The following RFWD3 variants were observed in gnomAD, a reference collection of about 807,000 sequenced individuals.
RFWD3 encodes the protein E3 ubiquitin-protein ligase RFWD3.
Under a neutral mutation model 87.7 loss-of-function variants are expected in RFWD3, and 65 were observed. That is an observed-to-expected ratio of 0.74 (90% confidence interval 0.61 to 0.91). RFWD3 has a LOEUF of 0.91. RFWD3 is among the 40% of genes least tolerant of loss of function. RFWD3 has a pLI of 0.00. For missense variants in RFWD3, 1,078 were observed against 938.5 expected (o/e 1.15, Z -1.94); for synonymous variants, 433 against 352.8 (o/e 1.23, Z -2.55).
chr16:74,630,263 CATT>C (rs1959052060), intron 10 of RFWD3, among the ~76,000 whole-genome samples: 1 of 152,152 alleles, frequency 6.6e-6, no homozygotes, highest in Non-Finnish European at 1.5e-5. Context: ...GCATGGCTAA[CATT>C]TTTTTGTATT....
chr16:74,635,787 G>C (rs1192023956), intron 8 of RFWD3, among the ~76,000 whole-genome samples: 1 of 152,184 alleles, frequency 6.6e-6, no homozygotes, highest in East Asian at 1.9e-4. Context: ...ACATCTGCAA[G>C]ATTTAGAAAT....
At chr16:74,659,176 G>C (rs1192135311) in intron 2 of RFWD3, among the ~76,000 whole-genome samples, 1 of 152,128 alleles carries the variant, frequency 6.6e-6, no homozygotes, top group Non-Finnish European at 1.5e-5. Flanking sequence ...GTTAATACAA[G>C]TCACTGTGCT....
intron 1 of RFWD3, among the ~76,000 whole-genome samples, chr16:74,663,423 C>A (rs1370681232): frequency 6.6e-6 from 1 of 152,212 alleles, no homozygotes; most frequent in East Asian, 1.9e-4. Flanking sequence ...TCAAGTGCTA[C>A]TGGGGGGAAG....
intron 8 of RFWD3, among the ~76,000 whole-genome samples, chr16:74,635,309 A>C (rs969267541): frequency 4.0e-5 from 6 of 151,850 alleles, no homozygotes; most frequent in Non-Finnish European, 5.9e-5. Flanking sequence ...TAAAAAATAA[A>C]AAAAAAAATT....
In RFWD3 at chr16:74,637,869, T is replaced by A. The variant is rs780532742; in HGVS notation, c.1181A>T (p.Gln394Leu). 1 of 1,612,522 alleles carries A rather than the reference T, an allele frequency of 6.2e-7. No individual in the cohort carries two copies. Among genetic ancestry groups the A allele is most frequent in the Admixed American group, 1.7e-5 (1 of 59,974 alleles). The change falls in exon 7 of 13, where the codon CAA (glutamine) becomes CTA (leucine). Residue 394 changes from glutamine to leucine, a missense_variant. Transcript: ENST00000361070. ...QVLTDKCTRL[Q>L]RRVQDLQKLT... ...GGACAAACGTACCTGAACACGCCTT[T>A]GAAGCCTAGTGCACTTATCAGTGAG...
rs1379103717 is a variant in RFWD3 at position 74,622,026 on chromosome 16, T to A, written c.*1902A>T. 6.6e-6 allele frequency: 1 copy of A among 152,152 alleles called. No individual in the cohort carries two copies. The highest frequency in any genetic ancestry group is 2.4e-5 in the African/African-American group (1 of 41,432). 9.4% of individuals were successfully genotyped at this position (152,152 alleles called of 1,614,324 possible). On this transcript the variant is annotated 3_prime_UTR_variant, in exon 13 of 13. Transcript: ENST00000361070. ...GGTAAGACTTAAGATTCACATAACG[T>A]CCCTCATAGTTAAGTCTCTTGCTTC...
At chr16:74,662,722 C>G (rs1344848803) in intron 1 of RFWD3, among the ~76,000 whole-genome samples, 11 of 152,050 alleles carry the variant, frequency 7.2e-5, no homozygotes, top group Non-Finnish European at 1.3e-4. Flanking sequence ...GGCCTATGGG[C>G]CTTGGTAAGG....
intron 2 of RFWD3, among the ~76,000 whole-genome samples, chr16:74,652,495 A>G (rs1023296742): frequency 6.6e-5 from 10 of 152,132 alleles, no homozygotes; most frequent in African/African-American, 2.2e-4. Context: ...TTGCCCAAAT[A>G]TGGCCTCATG....
chr16:74,646,350 T>C (rs1950427660), intron 4 of RFWD3, among the ~76,000 whole-genome samples: 1 of 152,140 alleles, frequency 6.6e-6, no homozygotes, highest in Non-Finnish European at 1.5e-5. Context: ...CACTCCAGCA[T>C]GAGGGACAGA....
chr16:74,645,906 C>T (rs951360670), intron 4 of RFWD3, among the ~76,000 whole-genome samples: 2 of 151,786 alleles, frequency 1.3e-5, no homozygotes, highest in African/African-American at 4.8e-5. Context: ...GCGCCTGCCA[C>T]CAAGCCCGAT....
chr16:74,631,091 C>T, intron 9 of RFWD3, 134 bp from the exon 10 acceptor site: 1 of 714,714 alleles, frequency 1.4e-6, no homozygotes, highest in South Asian at 2.6e-5. Context: ...TCTGGATTCC[C>T]TATTTTTTCT....
chr16:74,644,492 G>T (rs764419342), intron 5 of RFWD3, 39 bp from the exon 6 acceptor site: 35 of 1,613,928 alleles, frequency 2.2e-5, no homozygotes, highest in Admixed American at 6.7e-5. Context: ...GTGGTTCTAG[G>T]AATCTGCCTG....
chr16:74,640,325 T>C (rs1188255873), intron 6 of RFWD3, among the ~76,000 whole-genome samples: 1 of 151,808 alleles, frequency 6.6e-6, no homozygotes, highest in African/African-American at 2.4e-5. Context: ...TTTGTATTCT[T>C]AGTAGAGACA....
intron 4 of RFWD3, among the ~76,000 whole-genome samples, chr16:74,648,475 T>C (rs1960329272): frequency 6.7e-6 from 1 of 149,644 alleles, no homozygotes; most frequent in Non-Finnish European, 1.5e-5. Flanking sequence ...ACCTTTTATT[T>C]AAAAGGATAT....
At chr16:74,649,066 T>C (rs1960381813) in intron 4 of RFWD3, 66 bp downstream of exon 4, 2 of 1,076,580 alleles carry the variant, frequency 1.9e-6, no homozygotes, top group East Asian at 3.2e-5. Context: ...TGGGTGAGAG[T>C]GAGACCTAGT....
rs190667525 is a variant in RFWD3, at chr16:74,644,369, T to C, written c.1072A>G (p.Met358Val). The C allele has an allele frequency of 5.5e-5, 89 of 1,614,104 alleles. No homozygotes were observed. The highest frequency in any genetic ancestry group is 7.3e-5 in the Non-Finnish European group (86 of 1,180,010). ...CATACTCTTACCACCTACCTTTTCATGCGCTCCTGTTCACTAGTGTCCAAA... is the reference window on the plus strand; with the variant it reads ...CATACTCTTACCACCTACCTTTTCACGCGCTCCTGTTCACTAGTGTCCAAA... ...RALDTSEQERMKSSLLKEQML... is the reference protein window; with the variant it reads ...RALDTSEQERVKSSLLKEQML... The change falls in exon 6 of 13, where the codon ATG becomes GTG. Residue 358 changes from methionine to valine, a missense_variant. Transcript: ENST00000361070.
chr16:74,624,020 G>C lies in RFWD3; in HGVS notation c.2233C>G (p.Pro745Ala). Residue 745 changes from proline (P) to alanine (A), a missense_variant, in exon 13 of 13, where the codon CCT (proline) becomes GCT (alanine). Physicochemically the swap from Pro to Ala is conservative, Grantham distance 27. Coordinates refer to ENST00000361070, the MANE Select transcript of RFWD3 (RefSeq NM_018124.4). ...SLLQDLQTDQPVLDICPFEVN... is the reference protein window; with the variant it reads ...SLLQDLQTDQAVLDICPFEVN... ...TCAAATGGGCAGATGTCCAACACAG[G>C]CTGATCGGTCTGTAGGTCCTGGAGC... 6.2e-7 allele frequency: 1 copy of C among 1,614,066 alleles called. No individual in the cohort carries two copies. Among genetic ancestry groups the C allele is most frequent in the African/African-American group, 1.3e-5 (1 of 75,024 alleles).
chr16:74,660,839 A>G (rs1961368826), intron 2 of RFWD3, 93 bp downstream of exon 2: 13 of 1,448,908 alleles, frequency 9.0e-6, no homozygotes, highest in African/African-American at 1.4e-5. Flanking sequence ...CTGACTTGCC[A>G]AAAGTCACAC....
rs560733396 is a variant in RFWD3, at chr16:74,652,348, T to C, written c.519-226A>G. The stretch of plus-strand genomic sequence containing the variant: ...TACATTAGCCCACAAAGGAGCTTGA[T>C]CCTTCCGTTAAAAGCTAATTCTATT... On this transcript the variant is annotated intron_variant, in intron 2 of 12. Transcript: ENST00000361070. 2.0e-5 allele frequency among the ~76,000 whole-genome samples: 3 copies of C among 152,126 alleles called. No homozygotes were observed. In the South Asian group the frequency reaches 6.2e-4, roughly 32 times the overall value.
Sources: gnomAD v4.1 joint callset for allele counts (sites outside exome capture counted in the v4.1 genomes callset) on GRCh38, gnomAD v4.1.1 for gene constraint, MANE v1.5 for transcripts, NCBI Gene and HGNC (gene_info 2026-07-23, HGNC 2026-07-21) for gene names.